Variants in ATRN observed in about 807,000 individuals in gnomAD.
ATRN encodes the protein attractin-2.
Under a neutral mutation model 178.7 loss-of-function variants are expected in ATRN, and 54 were observed. The ratio of observed to expected loss-of-function variants is 0.30; its 90% CI spans 0.24 to 0.38. ATRN has a LOEUF of 0.38. Among genes scored for constraint, ATRN ranks in the 10% least tolerant of loss-of-function variants. The pLI is 1.00. For missense variants in ATRN, 1,443 were observed against 1,815.1 expected (o/e 0.79, Z 3.73); for synonymous variants, 636 against 663.0 (o/e 0.96, Z 0.63).
chr20:3,638,701 A>T lies in ATRN; in HGVS notation c.3943-127A>T. 8.1e-6 allele frequency: 6 copies of T among 743,194 alleles called. 1 individual carries two copies. The South Asian group carries it at 1.1e-4, about 14-fold the overall frequency. The allele number at this position is 743,194 out of a possible 1,614,324, so 46.0% of individuals were successfully genotyped here. A position where few individuals can be genotyped will look rare whatever the true frequency, so the allele number is the denominator to read the frequency against. On this transcript the variant is annotated intron_variant, in intron 26 of 28. Transcript: ENST00000262919. This position sits in a 1 kb window ranked among gnomAD's most constrained non-coding sequence, Gnocchi z 4.5. The stretch of plus-strand genomic sequence containing the variant: ...CCTAATGTTATCTAATATCAAGTCT[A>T]AAAAGTATCATTTTGGACTTGATTT...
chr20:3,590,151 G>C (rs2086419713), intron 18 of ATRN, among the ~76,000 whole-genome samples: 1 of 152,098 alleles, frequency 6.6e-6, no homozygotes, highest in African/African-American at 2.4e-5. Context: ...GGGTTTCACT[G>C]TGTTGGCCAG....
intron 1 of ATRN, among the ~76,000 whole-genome samples, chr20:3,521,116 C>A (rs922451701): frequency 6.6e-6 from 1 of 151,686 alleles, no homozygotes; most frequent in Non-Finnish European, 1.5e-5. Context: ...GGTTGGGAGG[C>A]GGGGTTGGGT....
intron 18 of ATRN, among the ~76,000 whole-genome samples, chr20:3,586,130 GCAT>G (rs1432128284): frequency 6.6e-6 from 1 of 152,138 alleles, no homozygotes; most frequent in Non-Finnish European, 1.5e-5. Context: ...ATTCTTCATA[GCAT>G]CATGCTCAAA....
rs1372314090 is a variant in ATRN at position 3,497,218 on chromosome 20, T to G, written c.410+25701T>G. Among the ~76,000 whole-genome samples the G allele has an allele frequency of 1.8e-3, 272 of 150,148 alleles. 2 individuals are homozygous for G. Among genetic ancestry groups the G allele is most frequent in the African/African-American group, 6.5e-3 (265 of 40,776 alleles). ...ATCCTGTCATTATGATGTTAGCTGG[T>G]TATTTTGCTCGTTAGTTGATGCAGT... On this transcript the variant is annotated intron_variant, in intron 1 of 28. Transcript: ENST00000262919.
At chr20:3,594,666 T>A in intron 20 of ATRN, 94 bp downstream of exon 20, 1 of 1,052,094 alleles carries the variant, frequency 9.5e-7, no homozygotes, top group Non-Finnish European at 1.4e-6. Flanking sequence ...CCCTGTGTCT[T>A]GTTGCTGTGG....
At chr20:3,491,055 T>C (rs371269453) in intron 1 of ATRN, 130 of 944,352 alleles carry the variant, frequency 1.4e-4, no homozygotes, top group Non-Finnish European at 2.1e-4. Flanking sequence ...AGTTGTTTGC[T>C]GCTGGTTAAA....
intron 24 of ATRN, among the ~76,000 whole-genome samples, chr20:3,622,544 A>G (rs77542314): frequency 1.4e-3 from 211 of 152,346 alleles, no homozygotes; most frequent in East Asian, 6.4e-3. Flanking sequence ...ACTCTCCTTC[A>G]TCTTCAGAAG....
At chr20:3,547,180 T>G in intron 4 of ATRN, 104 bp from the exon 5 acceptor site, 2 of 920,338 alleles carry the variant, frequency 2.2e-6, no homozygotes, top group African/African-American at 1.6e-5. Context: ...CACTTGTGAA[T>G]GAACTGAGAC....
At chr20:3,602,433 T>C (rs2086622885) in intron 23 of ATRN, among the ~76,000 whole-genome samples, 2 of 152,142 alleles carry the variant, frequency 1.3e-5, no homozygotes, top group Admixed American at 6.5e-5. Flanking sequence ...TGGTAAATGG[T>C]AACTATATTT....
At position 3,471,103 on chromosome 20, in the gene ATRN, G is replaced by T; in HGVS notation, c.-5G>T. 1 of 1,510,644 alleles carries T rather than the reference G, an allele frequency of 6.6e-7. No individual in the cohort carries two copies. Among genetic ancestry groups the T allele is most frequent in the Non-Finnish European group, 8.8e-7 (1 of 1,136,188 alleles). 93.6% of individuals were successfully genotyped at this position (1,510,644 alleles called of 1,614,324 possible). On this transcript the variant is annotated 5_prime_UTR_variant, in exon 1 of 29. It introduces an in-frame stop codon into an upstream open reading frame of the 5' UTR. Coordinates refer to ENST00000262919, the MANE Select transcript of ATRN (RefSeq NM_139321.3). ...TTCGCGGGGCGCCGTCTCAGCCCCG[G>T]GAAGATGGTGGCTGCAGCGGCGGCA...
At chr20:3,606,515 A>G (rs1258158950) in intron 24 of ATRN, among the ~76,000 whole-genome samples, 1 of 152,162 alleles carries the variant, frequency 6.6e-6, no homozygotes, top group African/African-American at 2.4e-5. Context: ...CGGCACTGGC[A>G]GTTGCTGCCT....
chr20:3,500,957 C>A (rs1276405884), intron 1 of ATRN, among the ~76,000 whole-genome samples: 1 of 151,708 alleles, frequency 6.6e-6, no homozygotes, highest in Admixed American at 6.6e-5. Context: ...TTATATATAA[C>A]TAAATGTATA....
At chr20:3,546,273 A>G (rs776908568) in intron 4 of ATRN, among the ~76,000 whole-genome samples, 3 of 152,108 alleles carry the variant, frequency 2.0e-5, no homozygotes, top group African/African-American at 4.8e-5. Context: ...GAAGAAATCT[A>G]TACTCATTAA....
rs2086290933 is a variant in ATRN at position 3,582,178 on chromosome 20, A to G, written c.2588A>G (p.Asn863Ser). Residue 863 changes from asparagine to serine, a missense_variant, in exon 16 of 29, where the codon AAT (asparagine) becomes AGT (serine). By Grantham distance (46) the Asn-to-Ser change is conservative. Around this residue, in one of 4 missense-constraint regions of ATRN, gnomAD observed 212 missense variants for 330.7 expected, o/e 0.64. Transcript: ENST00000262919. ...LTPWVGLRKINVSYWCWEDMS... is the reference protein window; with the variant it reads ...LTPWVGLRKISVSYWCWEDMS... ...CCATGGGTCGGCCTTCGGAAGATCAATGTGTCCTACTGGTGCTGGGAAGAT... is the reference window on the plus strand; with the variant it reads ...CCATGGGTCGGCCTTCGGAAGATCAGTGTGTCCTACTGGTGCTGGGAAGAT... The G allele has an allele frequency of 6.2e-7, 1 of 1,614,216 alleles. No homozygotes were observed. Among genetic ancestry groups the G allele is most frequent in the East Asian group, 2.2e-5 (1 of 44,882 alleles).
At chr20:3,545,676 A>G in intron 3 of ATRN, 86 bp from the exon 4 acceptor site, 1 of 1,528,080 alleles carries the variant, frequency 6.5e-7, no homozygotes, top group Non-Finnish European at 8.8e-7. Context: ...AATTTTAAGG[A>G]CGGATTTGTT....
At chr20:3,509,606 G>A (rs1197024282) in intron 1 of ATRN, among the ~76,000 whole-genome samples, 1 of 150,986 alleles carries the variant, frequency 6.6e-6, no homozygotes, top group East Asian at 2.0e-4. Context: ...CAAGTGATTC[G>A]TCTGCCTCAG....
intron 24 of ATRN, among the ~76,000 whole-genome samples, chr20:3,618,664 G>T (rs978095539): frequency 1.3e-5 from 2 of 152,198 alleles, no homozygotes; most frequent in Non-Finnish European, 2.9e-5. Context: ...AGGAATGAGT[G>T]GCTGAATGGC....
chr20:3,561,095 C>T (rs939389650), intron 8 of ATRN, among the ~76,000 whole-genome samples, 190 bp downstream of exon 8: 6 of 151,952 alleles, frequency 3.9e-5, no homozygotes, highest in East Asian at 1.9e-4. Flanking sequence ...CTGAGGCGGG[C>T]GGATCACCTA....
chr20:3,628,281 A>AAG (rs10652505), intron 25 of ATRN, among the ~76,000 whole-genome samples: 131,084 of 152,130 alleles, frequency 0.86, 56,795 homozygotes, highest in East Asian at 1. Flanking sequence ...GAAAACTAGA[A>AAG]AGAAACTTCT....
Sources: gnomAD v4.1 joint callset for allele counts (sites outside exome capture counted in the v4.1 genomes callset) on GRCh38, gnomAD v4.1.1 for gene constraint, gnomAD v4.1.1 regional missense constraint, Gnocchi (gnomAD v3.1) non-coding constraint, MANE v1.5 for transcripts, NCBI Gene and HGNC (gene_info 2026-07-23, HGNC 2026-07-21) for gene names.